Variants in TAFA2 observed in about 807,000 individuals in gnomAD.
TAFA2 encodes the protein chemokine-like protein TAFA-2.
A neutral mutation model predicts 18.8 loss-of-function variants in TAFA2; 7 were observed. The observed-to-expected ratio is 0.37, with a 90% confidence interval of 0.21 to 0.70. The LOEUF is 0.70. TAFA2 is among the 30% of genes least tolerant of loss of function. The pLI, the probability that TAFA2 is intolerant of heterozygous loss-of-function variation, is 0.53. For synonymous variants in TAFA2, 60 were observed against 54.2 expected, an observed-to-expected ratio of 1.11 and a Z score of -0.47; for missense variants, 122 against 158.1, an observed-to-expected ratio of 0.77 and a Z score of 1.23.
chr12:61,899,980 C>T (rs540359596), intron 1 of TAFA2, among the ~76,000 whole-genome samples: 21 of 152,260 alleles, frequency 1.4e-4, no homozygotes, highest in African/African-American at 2.4e-4. Context: ...CAATCCTCCT[C>T]GAATACTAAG....
intron 1 of TAFA2, among the ~76,000 whole-genome samples, chr12:62,071,118 G>A (rs1882619838): frequency 6.6e-6 from 1 of 152,208 alleles, no homozygotes; most frequent in Admixed American, 6.5e-5. Flanking sequence ...AAGAGAATCT[G>A]TGGAGTTCCT....
At chr12:61,890,807 A>G (rs1437665570) in intron 1 of TAFA2, among the ~76,000 whole-genome samples, 1 of 151,926 alleles carries the variant, frequency 6.6e-6, no homozygotes, top group Non-Finnish European at 1.5e-5. Context: ...AGATGAAACC[A>G]TTTTCAGTGT....
Position 61,846,096 on chromosome 12 carries a change from C to T in TAFA2, c.106+21224G>A, listed in dbSNP as rs12229427. ...AGCCAAGATTGGGAATCCAGACCCA[C>T]TTTGAAATATGAAACTTTAGCTAAA... On this transcript the variant is annotated intron_variant, in intron 2 of 4. Transcript: ENST00000416284. 1.9e-4 allele frequency among the ~76,000 whole-genome samples: 29 copies of T among 152,280 alleles called. No homozygotes were observed. In the East Asian group the frequency reaches 4.8e-3, roughly 25 times the overall value.
chr12:62,207,388 C>T (rs2062696449), intron 1 of TAFA2: 1 of 152,108 alleles, frequency 6.6e-6, no homozygotes, highest in South Asian at 2.1e-4. Flanking sequence ...TTACATTCTC[C>T]TAGCTACTAG....
chr12:61,877,346 G>A (rs1565665977), intron 1 of TAFA2, among the ~76,000 whole-genome samples: 1 of 152,132 alleles, frequency 6.6e-6, no homozygotes, highest in Non-Finnish European at 1.5e-5. Context: ...CCTTATGGAT[G>A]AATTTGGTTT....
intron 2 of TAFA2, among the ~76,000 whole-genome samples, chr12:61,863,876 T>G (rs1874230167): frequency 6.6e-6 from 1 of 152,118 alleles, no homozygotes; most frequent in East Asian, 1.9e-4. Flanking sequence ...TAATGGCCAA[T>G]GGACACAAGG....
intron 1 of TAFA2, among the ~76,000 whole-genome samples, chr12:61,899,100 G>A (rs1010029693): frequency 6.6e-6 from 1 of 152,116 alleles, no homozygotes; most frequent in South Asian, 2.1e-4. Flanking sequence ...GACCACCTTA[G>A]CCTGGACTTC....
chr12:61,982,365 C>A (rs1338222735), intron 1 of TAFA2, among the ~76,000 whole-genome samples: 1 of 152,028 alleles, frequency 6.6e-6, no homozygotes, highest in Non-Finnish European at 1.5e-5. Context: ...GTGCAGCACA[C>A]CAGCATGGCA....
chr12:61,805,346 T>A (rs1456336809), intron 2 of TAFA2, among the ~76,000 whole-genome samples: 3 of 152,080 alleles, frequency 2.0e-5, no homozygotes, highest in African/African-American at 7.2e-5. Flanking sequence ...TGAGATTCTG[T>A]ACATTACCTC....
At chr12:62,005,894 T>G (rs1431041407) in intron 1 of TAFA2, among the ~76,000 whole-genome samples, 1 of 152,106 alleles carries the variant, frequency 6.6e-6, no homozygotes, top group Non-Finnish European at 1.5e-5. Context: ...GAGAAAGAAA[T>G]AACTGCAAAA....
intron 1 of TAFA2, among the ~76,000 whole-genome samples, chr12:61,873,040 T>A (rs147213458): frequency 6.6e-6 from 1 of 152,196 alleles, no homozygotes; most frequent in South Asian, 2.1e-4. Flanking sequence ...CTCTAGCACA[T>A]AGAACATCAC....
chr12:61,837,397 AACTCTT>A (rs1455137222), intron 2 of TAFA2, among the ~76,000 whole-genome samples: 1 of 152,054 alleles, frequency 6.6e-6, no homozygotes, highest in Non-Finnish European at 1.5e-5. Flanking sequence ...GAGACATCAT[AACTCTT>A]AATCTACAGG....
At chr12:62,033,532 C>T (rs1881518929) in intron 1 of TAFA2, among the ~76,000 whole-genome samples, 2 of 151,280 alleles carry the variant, frequency 1.3e-5, no homozygotes, top group East Asian at 1.9e-4. Flanking sequence ...GAGTTTCCAA[C>T]AACACTGACA....
At chr12:62,234,265 G>A in intron 1 of TAFA2, 1 of 367,014 alleles carries the variant, frequency 2.7e-6, no homozygotes, top group East Asian at 6.4e-5. Flanking sequence ...CAGCCTTGGT[G>A]CTCTCAGTAT....
At chr12:61,763,463 A>G (rs1216388680) in intron 2 of TAFA2, among the ~76,000 whole-genome samples, 2 of 151,956 alleles carry the variant, frequency 1.3e-5, no homozygotes, top group Non-Finnish European at 2.9e-5. Flanking sequence ...TCTCACCTCA[A>G]TCATGAATAT....
intron 1 of TAFA2, among the ~76,000 whole-genome samples, chr12:61,989,104 C>T (rs1380261296): frequency 6.6e-6 from 1 of 152,116 alleles, no homozygotes; most frequent in African/African-American, 2.4e-5. Flanking sequence ...ACCTCTTTAA[C>T]ATGATAAATT....
At chr12:62,048,788 C>T (rs1881975168) in intron 1 of TAFA2, among the ~76,000 whole-genome samples, 1 of 152,188 alleles carries the variant, frequency 6.6e-6, no homozygotes, top group Non-Finnish European at 1.5e-5. Context: ...AAGGCCTACA[C>T]TTTGCTATCA....
At chr12:61,851,494 T>C (rs1291768038) in intron 2 of TAFA2, among the ~76,000 whole-genome samples, 1 of 152,068 alleles carries the variant, frequency 6.6e-6, no homozygotes, top group Non-Finnish European at 1.5e-5. Flanking sequence ...TTAAGAGTTC[T>C]GGCCGGGCGC....
intron 1 of TAFA2, chr12:61,880,204 G>A (rs1424325370): frequency 2.0e-6 from 1 of 500,896 alleles, no homozygotes; most frequent in Non-Finnish European, 3.8e-6. Context: ...TGCTGGCCAG[G>A]AAGCACGGGG....
Sources: gnomAD v4.1 joint callset for allele counts (sites outside exome capture counted in the v4.1 genomes callset) on GRCh38, gnomAD v4.1.1 for gene constraint, MANE v1.5 for transcripts, NCBI Gene and HGNC (gene_info 2026-07-23, HGNC 2026-07-21) for gene names.